CCDC91: variants seen among roughly 807,000 people sequenced by gnomAD.
CCDC91 encodes coiled-coil domain containing 91.
CCDC91 carries 48 observed loss-of-function variants against 63.2 expected under a neutral mutation model. That is an observed-to-expected ratio of 0.76 (90% confidence interval 0.60 to 0.97). CCDC91 has a LOEUF of 0.97. Among genes scored for constraint, CCDC91 ranks in the 50% least tolerant of loss-of-function variants. The pLI, the probability that CCDC91 is intolerant of heterozygous loss-of-function variation, is 0.00. For synonymous variants in CCDC91, 167 were observed against 165.8 expected, an observed-to-expected ratio of 1.01 and a Z score of -0.06; for missense variants, 500 against 494.6, an observed-to-expected ratio of 1.01 and a Z score of -0.10.
At chr12:28,359,140 C>A (rs572052445) in intron 6 of CCDC91, among the ~76,000 whole-genome samples, 1 of 152,228 alleles carries the variant, frequency 6.6e-6, no homozygotes, top group Admixed American at 6.5e-5. Flanking sequence ...GTGATCTGCC[C>A]GCCTCAGCCT....
chr12:28,249,852 G>A (rs1244970778), intron 1 of CCDC91, among the ~76,000 whole-genome samples: 1 of 152,070 alleles, frequency 6.6e-6, no homozygotes, highest in East Asian at 1.9e-4. Context: ...CTTACCTTTA[G>A]CATTCATTGA....
At chr12:28,370,376 T>G (rs7977429) in intron 7 of CCDC91, among the ~76,000 whole-genome samples, 38,054 of 152,122 alleles carry the variant, frequency 0.25, 5,323 homozygotes, top group East Asian at 0.57. Context: ...GTCTCTTTGT[T>G]AAAGGATAGC....
intron 2 of CCDC91, among the ~76,000 whole-genome samples, chr12:28,258,644 T>C (rs1946614235): frequency 6.6e-6 from 1 of 152,044 alleles, no homozygotes. Context: ...TACTGTATTC[T>C]GTGTCACTTA....
chr12:28,423,447 G>A lies in CCDC91; in HGVS notation c.763-26714G>A, dbSNP rs115051594. ...AATTGGCCACACCACATATATCAAT[G>A]TATGGATTGATATCCACTTGGAGGA... On this transcript the variant is annotated intron_variant, in intron 8 of 12. Transcript: ENST00000536442. Among the ~76,000 whole-genome samples, 342 of 152,232 alleles carry A rather than the reference G, an allele frequency of 2.2e-3. 3 individuals carry two copies. Among genetic ancestry groups the A allele is most frequent in the African/African-American group, 7.9e-3 (329 of 41,562 alleles).
chr12:28,266,366 A>G (rs1310433298), intron 3 of CCDC91, among the ~76,000 whole-genome samples: 2 of 152,026 alleles, frequency 1.3e-5, no homozygotes, highest in African/African-American at 4.8e-5. Flanking sequence ...TTGAAAGACT[A>G]GATGATATCT....
chr12:28,485,802 C>T, intron 12 of CCDC91, among the ~76,000 whole-genome samples: 1 of 152,192 alleles, frequency 6.6e-6, no homozygotes. Flanking sequence ...TATGTACCTA[C>T]AAAGAGTTTA....
intron 12 of CCDC91, among the ~76,000 whole-genome samples, chr12:28,495,137 T>A (rs1952211009): frequency 6.6e-6 from 1 of 151,674 alleles, no homozygotes; most frequent in African/African-American, 2.4e-5. Context: ...ATAGCTACCT[T>A]GATGAGGAAG....
rs115635408 is a variant in CCDC91, at chr12:28,386,052, A to G, written c.655-5252A>G. On this transcript the variant is annotated intron_variant, in intron 7 of 12. Transcript: ENST00000536442. ...TATTTACTCACAGTTGAGCCCGTGG[A>G]GTAAAAAGAATGAATATTTCTTGTC... 6.0e-3 allele frequency among the ~76,000 whole-genome samples: 918 copies of G among 152,300 alleles called. 10 individuals carry two copies. Among genetic ancestry groups the G allele is most frequent in the African/African-American group, 0.021 (881 of 41,570 alleles).
At position 28,452,603 on chromosome 12, in the gene CCDC91, A is replaced by C; in HGVS notation, c.1050A>C (p.Lys350Asn). The change falls in exon 11 of 13, where the codon AAA becomes AAC. Residue 350 changes from lysine to asparagine, a missense_variant. Lys to Asn is a moderately conservative substitution (Grantham distance 94). Transcript: ENST00000536442. ...CAGAACATGCAAAAGATCAAGAAAA[A>C]GTATCTCAGGAAATTCAAAAAGCTA... ...WKTEHAKDQE[K>N]VSQEIQKAIQ... is the part of the protein sequence containing the mutation. 1.3e-6 allele frequency: 2 copies of C among 1,579,704 alleles called. No individual in the cohort carries two copies. Among genetic ancestry groups the C allele is most frequent in the East Asian group, 4.5e-5 (2 of 44,184 alleles).
intron 6 of CCDC91, among the ~76,000 whole-genome samples, chr12:28,322,672 T>C (rs1483675615): frequency 6.6e-6 from 1 of 151,810 alleles, no homozygotes; most frequent in Non-Finnish European, 1.5e-5. Context: ...TAACATAGTC[T>C]AGTAAAAATT....
chr12:28,424,896 A>G (rs1425605059), intron 8 of CCDC91, among the ~76,000 whole-genome samples: 1 of 151,968 alleles, frequency 6.6e-6, no homozygotes, highest in African/African-American at 2.4e-5. Flanking sequence ...ACATTTTGGT[A>G]TTTTATCTGT....
chr12:28,443,803 T>G (rs1949357889), intron 8 of CCDC91, among the ~76,000 whole-genome samples: 1 of 152,156 alleles, frequency 6.6e-6, no homozygotes, highest in Non-Finnish European at 1.5e-5. Flanking sequence ...GAATAAAAAT[T>G]ATTAGACAAA....
chr12:28,353,609 C>G (rs1465222827), intron 6 of CCDC91, among the ~76,000 whole-genome samples: 1 of 152,048 alleles, frequency 6.6e-6, no homozygotes, highest in Non-Finnish European at 1.5e-5. Flanking sequence ...TAGAGAGGCT[C>G]TAGGAGAGAG....
intron 1 of CCDC91, among the ~76,000 whole-genome samples, chr12:28,235,697 A>C (rs1944900119): frequency 6.6e-6 from 1 of 152,082 alleles, no homozygotes; most frequent in Non-Finnish European, 1.5e-5. Flanking sequence ...ATTCCTGGTA[A>C]CAGACATTTT....
rs76841717 is a variant in CCDC91, at chr12:28,529,692, A to G, written c.1216-19371A>G. ...TTTTCAGTGAGACACGATAGGATAT[A>G]TTCTTCAATAGAATGAAGTTAAGAA... On this transcript the variant is annotated intron_variant, in intron 12 of 12. Coordinates refer to ENST00000536442, the MANE Select transcript of CCDC91 (RefSeq NM_018318.5). Among the ~76,000 whole-genome samples, 397 of 152,342 alleles carry G rather than the reference A, an allele frequency of 2.6e-3. 2 individuals are homozygous for G. The highest frequency in any genetic ancestry group is 4.5e-3 in the Non-Finnish European group (307 of 68,036).
intron 11 of CCDC91, among the ~76,000 whole-genome samples, chr12:28,473,817 C>T (rs922401964): frequency 1.3e-5 from 2 of 152,072 alleles, no homozygotes; most frequent in South Asian, 2.1e-4. Context: ...AAAAGCTATT[C>T]CAAACAAGCT....
intron 7 of CCDC91, among the ~76,000 whole-genome samples, chr12:28,389,601 C>A (rs1282065216): frequency 6.6e-6 from 1 of 151,962 alleles, no homozygotes; most frequent in Admixed American, 6.6e-5. Flanking sequence ...TATTAACTTA[C>A]CTGTCCTCCA....
intron 12 of CCDC91, among the ~76,000 whole-genome samples, chr12:28,545,745 G>A (rs1942943636): frequency 6.6e-6 from 1 of 152,054 alleles, no homozygotes; most frequent in Admixed American, 6.6e-5. Context: ...AGCGTGTGGT[G>A]TGTTTAAACA....
intron 11 of CCDC91, among the ~76,000 whole-genome samples, chr12:28,464,529 G>A (rs1321485608): frequency 5.3e-5 from 8 of 152,314 alleles, no homozygotes; most frequent in Admixed American, 3.9e-4. Context: ...GCATTGGTCA[G>A]AGTCACGAGG....
Sources: gnomAD v4.1 joint callset for allele counts (sites outside exome capture counted in the v4.1 genomes callset) on GRCh38, gnomAD v4.1.1 for gene constraint, MANE v1.5 for transcripts, NCBI Gene and HGNC (gene_info 2026-07-23, HGNC 2026-07-21) for gene names.